Variants in KIFAP3 observed in about 807,000 individuals in gnomAD.
KIFAP3 encodes kinesin associated protein 3.
Under a neutral mutation model 106.5 loss-of-function variants are expected in KIFAP3, and 68 were observed. The observed-to-expected ratio is 0.64, with a 90% CI of 0.53 to 0.78. The LOEUF (loss-of-function observed/expected upper bound fraction) is 0.78. KIFAP3 is among the 30% of genes least tolerant of loss of function. The pLI is 0.00. For synonymous variants in KIFAP3, 320 were observed against 311.5 expected (o/e 1.03, Z -0.29); for missense variants, 780 against 941.8 (o/e 0.83, Z 2.25).
chr1:169,990,608 G>A (rs542723200), intron 11 of KIFAP3, among the ~76,000 whole-genome samples: 1 of 152,016 alleles, frequency 6.6e-6, no homozygotes, highest in South Asian at 2.1e-4. Flanking sequence ...TCAAATTAGT[G>A]GAAGGTAGTT....
intron 10 of KIFAP3, among the ~76,000 whole-genome samples, chr1:170,003,061 T>A (rs1667745526): frequency 6.6e-6 from 1 of 152,220 alleles, no homozygotes; most frequent in South Asian, 2.1e-4. Flanking sequence ...CCAGGTTTTT[T>A]CATTTCTTCC....
chr1:170,043,792 C>T (rs748634366), intron 3 of KIFAP3, among the ~76,000 whole-genome samples: 2 of 152,136 alleles, frequency 1.3e-5, no homozygotes, highest in East Asian at 1.9e-4. Flanking sequence ...AATCTTTAGA[C>T]AGTTATTAAG....
chr1:169,963,880 T>C (rs570089178), intron 17 of KIFAP3, among the ~76,000 whole-genome samples: 1 of 151,920 alleles, frequency 6.6e-6, no homozygotes, highest in African/African-American at 2.4e-5. Flanking sequence ...TTAAGTTGCA[T>C]AAAATTAAGA....
At chr1:170,062,757 T>C (rs966494487) in intron 1 of KIFAP3, among the ~76,000 whole-genome samples, 1 of 152,122 alleles carries the variant, frequency 6.6e-6, no homozygotes, top group Non-Finnish European at 1.5e-5. Flanking sequence ...ACTACACACA[T>C]AAATGAAACA....
chr1:170,050,178 T>A (rs1235839137), intron 2 of KIFAP3, among the ~76,000 whole-genome samples: 1 of 151,980 alleles, frequency 6.6e-6, no homozygotes, highest in Non-Finnish European at 1.5e-5. Context: ...AAACACAGCA[T>A]GAAAACTTCG....
rs948136668 is a variant in KIFAP3, at chr1:169,983,851, G to A, written c.1394-469C>T. 2.4e-4 allele frequency among the ~76,000 whole-genome samples: 37 copies of A among 151,836 alleles called. 2 individuals carry two copies. The highest frequency in any genetic ancestry group is 1.5e-5 in the Non-Finnish European group (1 of 67,772). On this transcript the variant is annotated intron_variant, in intron 12 of 19. Coordinates refer to ENST00000361580, the MANE Select transcript of KIFAP3 (RefSeq NM_014970.4). ...GAGAATGGGTAATTACTATAGCACTGTTTGTAACGGAAAATAAGTGGCAAT... is the reference window on the plus strand; with the variant it reads ...GAGAATGGGTAATTACTATAGCACTATTTGTAACGGAAAATAAGTGGCAAT...
In KIFAP3 at chr1:170,039,014, C is replaced by T. The variant is rs539906170; in HGVS notation, c.375+219G>A. On this transcript the variant is annotated intron_variant, in intron 4 of 19. Coordinates refer to ENST00000361580, the MANE Select transcript of KIFAP3 (RefSeq NM_014970.4). The stretch of plus-strand genomic sequence containing the variant: ...AGGAAAATCGCTTGAACCCGGGAGG[C>T]GGAGGTTGTGGTGAGATGAGATAGA... Among the ~76,000 whole-genome samples the T allele has an allele frequency of 2.0e-5, 3 of 152,214 alleles. No homozygotes were observed. The East Asian group carries it at 5.8e-4, about 29-fold the overall frequency.
intron 10 of KIFAP3, among the ~76,000 whole-genome samples, chr1:170,013,248 C>T (rs1668333885): frequency 6.6e-6 from 1 of 151,898 alleles, no homozygotes; most frequent in Non-Finnish European, 1.5e-5. Flanking sequence ...ACCTGAACGA[C>T]CTAAGATAAC....
At chr1:170,074,735 C>G (rs1387737327), upstream of KIFAP3, 1 of 1,344,904 alleles carries the variant, frequency 7.4e-7, no homozygotes, top group Non-Finnish European at 9.6e-7. Flanking sequence ...CTCTGCACCT[C>G]TTGTATGCGC....
chr1:169,994,533 T>G (rs918706947), intron 10 of KIFAP3, among the ~76,000 whole-genome samples: 7 of 152,138 alleles, frequency 4.6e-5, no homozygotes, highest in Admixed American at 6.5e-5. Flanking sequence ...CTGCTTACAA[T>G]AGCAGTAAGA....
At chr1:170,019,696 T>C (rs532818341) in intron 9 of KIFAP3, among the ~76,000 whole-genome samples, 19 of 152,264 alleles carry the variant, frequency 1.2e-4, no homozygotes, top group Admixed American at 9.8e-4. Context: ...CTTAAACTGA[T>C]AGCAAGTATC....
At chr1:170,084,033 G>A (rs1422619673) in intron 1 of KIFAP3, among the ~76,000 whole-genome samples, 1 of 152,164 alleles carries the variant, frequency 6.6e-6, no homozygotes, top group East Asian at 1.9e-4. Context: ...AATTTGACAG[G>A]AGAGAAAGAG....
chr1:170,056,801 A>G lies in KIFAP3; in HGVS notation c.33-1365T>C, dbSNP rs16862987. On this transcript the variant is annotated intron_variant, in intron 1 of 19. Coordinates refer to ENST00000361580, the MANE Select transcript of KIFAP3 (RefSeq NM_014970.4). ...GATAGGGTAGGAAATTAAGTACACT[A>G]AAGCATAGATTCTAGGTAGGTCAGA... 7.2e-3 allele frequency among the ~76,000 whole-genome samples: 1,090 copies of G among 152,254 alleles called. 18 individuals are homozygous for G. The highest frequency in any genetic ancestry group is 0.024 in the African/African-American group (999 of 41,538).
chr1:169,986,669 G>A (rs1379553380), intron 11 of KIFAP3, among the ~76,000 whole-genome samples: 1 of 151,792 alleles, frequency 6.6e-6, no homozygotes, highest in Admixed American at 6.6e-5. Context: ...AAAAATGTAG[G>A]TGACAATCCT....
At chr1:169,933,585 TAAAC>T (rs1489313581) in intron 19 of KIFAP3, among the ~76,000 whole-genome samples, 4 of 152,064 alleles carry the variant, frequency 2.6e-5, no homozygotes, top group African/African-American at 4.8e-5. Context: ...TGCATTGACA[TAAAC>T]AAATTCAGTG....
intron 3 of KIFAP3, among the ~76,000 whole-genome samples, chr1:170,045,934 T>C (rs1670224567): frequency 6.6e-6 from 1 of 152,076 alleles, no homozygotes; most frequent in Admixed American, 6.6e-5. Flanking sequence ...TAAGGATCAT[T>C]GAAAATGTTT....
intron 1 of KIFAP3, among the ~76,000 whole-genome samples, chr1:170,070,243 G>A (rs1165245657): frequency 6.6e-6 from 1 of 152,014 alleles, no homozygotes; most frequent in Non-Finnish European, 1.5e-5. Context: ...GTGATCTATA[G>A]ATTCATTATA....
chr1:169,984,796 CATAAT>C, intron 11 of KIFAP3, 106 bp from the exon 12 acceptor site: 1 of 580,554 alleles, frequency 1.7e-6, no homozygotes, highest in Non-Finnish European at 3.1e-6. Context: ...GTACATTGGG[CATAAT>C]ATAATTATTT....
chr1:169,977,318 T>C (rs1453737170), intron 16 of KIFAP3, among the ~76,000 whole-genome samples: 1 of 152,188 alleles, frequency 6.6e-6, no homozygotes, highest in East Asian at 1.9e-4. Flanking sequence ...GAGAGGATGT[T>C]ACCAATATTG....
Sources: gnomAD v4.1 joint callset for allele counts (sites outside exome capture counted in the v4.1 genomes callset) on GRCh38, gnomAD v4.1.1 for gene constraint, MANE v1.5 for transcripts, NCBI Gene and HGNC (gene_info 2026-07-23, HGNC 2026-07-21) for gene names.